The following LRRC28 variants were observed in gnomAD, a reference collection of about 807,000 sequenced individuals.
LRRC28 encodes the protein leucine rich repeat containing 28.
Under a neutral mutation model 45.7 loss-of-function variants are expected in LRRC28, and 39 were observed. The observed-to-expected ratio is 0.85, with a 90% confidence interval of 0.66 to 1.12. The LOEUF is 1.12. Among genes scored for constraint, LRRC28 ranks in the 50% most tolerant of loss-of-function variants. LRRC28 has a pLI of 0.00. For missense variants in LRRC28, 435 were observed against 438.5 expected, an observed-to-expected ratio of 0.99 and a Z score of 0.07; for synonymous variants, 206 against 178.8, an observed-to-expected ratio of 1.15 and a Z score of -1.22.
chr15:99,354,364 T>C (rs1048168707), intron 7 of LRRC28, among the ~76,000 whole-genome samples: 4 of 152,222 alleles, frequency 2.6e-5, no homozygotes, highest in African/African-American at 9.6e-5. Context: ...AAGAGTCTTC[T>C]TTCTTCTGCC....
intron 5 of LRRC28, among the ~76,000 whole-genome samples, chr15:99,330,415 C>T (rs1956122647): frequency 6.6e-6 from 1 of 152,070 alleles, no homozygotes; most frequent in Non-Finnish European, 1.5e-5. Context: ...TAATGTTAGG[C>T]TCTCGTTACA....
At chr15:99,265,052 T>C (rs1346168875) in intron 2 of LRRC28, among the ~76,000 whole-genome samples, 2 of 152,010 alleles carry the variant, frequency 1.3e-5, no homozygotes, top group Non-Finnish European at 2.9e-5. Context: ...GAATGAACAT[T>C]TGGGGAGAGG....
chr15:99,276,108 T>G (rs141241336), intron 2 of LRRC28, among the ~76,000 whole-genome samples: 354 of 152,112 alleles, frequency 2.3e-3, no homozygotes, highest in African/African-American at 7.8e-3. Flanking sequence ...CCTGACGATC[T>G]GTCACAGTCT....
chr15:99,288,001 T>G (rs760374467), intron 5 of LRRC28, 50 bp downstream of exon 5: 27 of 1,487,280 alleles, frequency 1.8e-5, no homozygotes, highest in Non-Finnish European at 2.4e-5. Context: ...TATAAATCTG[T>G]ATTCATATTT....
At chr15:99,358,534 A>G (rs1957110006) in intron 7 of LRRC28, among the ~76,000 whole-genome samples, 1 of 152,220 alleles carries the variant, frequency 6.6e-6, no homozygotes, top group Non-Finnish European at 1.5e-5. Context: ...AGAATCTTCT[A>G]TAAAGTATTG....
chr15:99,316,375 G>A (rs908738556), intron 5 of LRRC28, among the ~76,000 whole-genome samples: 7 of 152,008 alleles, frequency 4.6e-5, no homozygotes, highest in Non-Finnish European at 8.8e-5. Context: ...ATTTACTCTA[G>A]CATTCTATCT....
At chr15:99,372,962 A>G (rs1957524566) in intron 9 of LRRC28, among the ~76,000 whole-genome samples, 1 of 151,924 alleles carries the variant, frequency 6.6e-6, no homozygotes, top group Non-Finnish European at 1.5e-5. Flanking sequence ...CCCTTATAAA[A>G]CCATCAGATC....
intron 5 of LRRC28, among the ~76,000 whole-genome samples, chr15:99,309,605 C>T (rs565061784): frequency 1.5e-4 from 23 of 152,236 alleles, no homozygotes; most frequent in Admixed American, 1.4e-3. Context: ...GACGCGGTTT[C>T]ATCATGTTGG....
At chr15:99,268,472 A>G (rs571205957) in intron 2 of LRRC28, among the ~76,000 whole-genome samples, 4 of 152,248 alleles carry the variant, frequency 2.6e-5, no homozygotes, top group Middle Eastern at 3.4e-3. Context: ...CAAGCAAAAG[A>G]CTCAAAACCA....
chr15:99,372,595 G>A (rs1036104025), intron 9 of LRRC28, among the ~76,000 whole-genome samples: 1 of 152,144 alleles, frequency 6.6e-6, no homozygotes. Flanking sequence ...AAGCAAATAA[G>A]TACACAGCCT....
At chr15:99,285,300 C>G in intron 3 of LRRC28, 1 of 739,454 alleles carries the variant, frequency 1.4e-6, no homozygotes, top group Non-Finnish European at 2.5e-6. Flanking sequence ...CTTTGAGAAT[C>G]TTCTCTTGAG....
chr15:99,310,143 C>T (rs767018609), intron 5 of LRRC28, among the ~76,000 whole-genome samples: 1 of 152,152 alleles, frequency 6.6e-6, no homozygotes, highest in Non-Finnish European at 1.5e-5. Context: ...TGTAATGGTG[C>T]TCTTAAAAAC....
At chr15:99,285,388 A>G in intron 3 of LRRC28, 1 of 744,066 alleles carries the variant, frequency 1.3e-6, no homozygotes, top group South Asian at 1.4e-5. Flanking sequence ...CCTCCTCCGC[A>G]GTGGTATAGT....
chr15:99,305,576 G>A (rs932003228), intron 5 of LRRC28, among the ~76,000 whole-genome samples: 3 of 152,108 alleles, frequency 2.0e-5, no homozygotes, highest in African/African-American at 7.2e-5. Flanking sequence ...ACACTTTCAG[G>A]ATTCAAGCTT....
chr15:99,355,310 G>A (rs1259218099), intron 7 of LRRC28: 1 of 152,180 alleles, frequency 6.6e-6, no homozygotes, highest in African/African-American at 2.4e-5. Context: ...CCTAAGAGAG[G>A]TAGAGTGATG....
intron 5 of LRRC28, among the ~76,000 whole-genome samples, chr15:99,299,171 T>G (rs2082336472): frequency 6.6e-6 from 1 of 152,268 alleles, no homozygotes; most frequent in South Asian, 2.1e-4. Flanking sequence ...ATGTATTGCA[T>G]TTGTTAACCA....
chr15:99,277,149 A>G (rs954292493), intron 3 of LRRC28, among the ~76,000 whole-genome samples: 4 of 152,082 alleles, frequency 2.6e-5, no homozygotes, highest in Non-Finnish European at 2.9e-5. Flanking sequence ...AAATTTAGAT[A>G]TCTTATATTT....
At chr15:99,346,980 GACAA>G (rs1283046253) in intron 6 of LRRC28, among the ~76,000 whole-genome samples, 4 of 152,058 alleles carry the variant, frequency 2.6e-5, no homozygotes, top group Admixed American at 6.5e-5. Flanking sequence ...GGTTACTGTA[GACAA>G]ACAAATGAAC....
At chr15:99,271,792 T>G (rs1264836037) in intron 2 of LRRC28, among the ~76,000 whole-genome samples, 3 of 152,176 alleles carry the variant, frequency 2.0e-5, no homozygotes, top group African/African-American at 7.2e-5. Context: ...AGAGATGAGG[T>G]TTGACCATGT....
Sources: allele counts gnomAD v4.1 joint callset (sites outside exome capture counted in the v4.1 genomes callset), GRCh38; gene constraint gnomAD v4.1.1; transcripts MANE v1.5; gene names NCBI Gene and HGNC (gene_info 2026-07-23, HGNC 2026-07-21).